Variants in ADGRV1 observed in about 807,000 individuals in gnomAD.
ADGRV1 encodes the protein G-protein coupled receptor 98.
ADGRV1 carries 359 observed loss-of-function variants against 596.2 expected under a neutral mutation model. That is an observed-to-expected ratio of 0.60 (90% CI 0.55 to 0.66). ADGRV1 has a LOEUF of 0.66. Ranked by LOEUF, ADGRV1 falls within the 30% of genes least tolerant of loss-of-function variation. The pLI is 0.00. For synonymous variants in ADGRV1, 2,681 were observed against 2,679.2 expected (o/e 1.00, Z -0.02); for missense variants, 7,274 against 7,575.6 (o/e 0.96, Z 1.48).
chr5:90,763,444 T>G lies in ADGRV1; in HGVS notation c.12260T>G (p.Leu4087Trp). Residue 4087 changes from leucine (L) to tryptophan (W), a missense_variant, in exon 59 of 90, where the codon TTG (leucine) becomes TGG (tryptophan). Around this residue, in one of 5 missense-constraint regions of ADGRV1, gnomAD observed 3,643 missense variants for 3,809.2 expected, o/e 0.96. Coordinates refer to ENST00000405460, the MANE Select transcript of ADGRV1 (RefSeq NM_032119.4). ...AAGGCTAAACATAACCTTAGTCCTT[T>G]GAATGGGACCCTTCATTTTGATGAG... ...DEKAKHNLSP[L>W]NGTLHFDETE... 1.2e-6 allele frequency: 2 copies of G among 1,613,070 alleles called. No individual in the cohort carries two copies. Among genetic ancestry groups the G allele is most frequent in the Non-Finnish European group, 1.7e-6 (2 of 1,179,158 alleles).
chr5:90,653,702 C>T lies in ADGRV1; in HGVS notation c.4128C>T (p.Asp1376=), dbSNP rs373730163. Residue 1376 remains aspartate (D), a synonymous_variant, in exon 20 of 90, where the codon GAC becomes GAT. Transcript: ENST00000405460. ...ATGGATTCATTATAGCGAAGGATGA[C>T]GGTAATGGAAGCATCTACTACGGGG... The part of the protein sequence containing the change: ...NTNGFIIAKD[D]GNGSIYYGVK... 6.1e-4 allele frequency: 984 copies of T among 1,612,962 alleles called. No homozygotes were observed. Among genetic ancestry groups the T allele is most frequent in the Non-Finnish European group, 7.9e-4 (932 of 1,179,540 alleles).
At chr5:90,653,065 G>A (rs1768876471) in intron 19 of ADGRV1, 144 bp from the exon 20 acceptor site, 3 of 719,460 alleles carry the variant, frequency 4.2e-6, no homozygotes, top group Non-Finnish European at 6.8e-6. Flanking sequence ...TGTGGTGAAA[G>A]CCACATGGTG....
chr5:91,035,164 CCA>C lies in ADGRV1; in HGVS notation c.18153-37281_18153-37280del, dbSNP rs750746583. ...TATACTTCTTCCACCATCCAGCCTG[CCA>C]CCATATGTTGTATGCCATCAACCCT... On this transcript the variant is annotated intron_variant, in intron 85 of 89. Transcript: ENST00000405460. Among the ~76,000 whole-genome samples the C allele has an allele frequency of 3.9e-5, 6 of 152,298 alleles. No homozygotes were observed. In the South Asian group the frequency reaches 1.2e-3, roughly 32 times the overall value.
At chr5:90,802,411 A>G (rs1371895343) in intron 70 of ADGRV1, among the ~76,000 whole-genome samples, 2 of 152,020 alleles carry the variant, frequency 1.3e-5, no homozygotes, top group African/African-American at 4.8e-5. Flanking sequence ...ATTTTTTATT[A>G]GTAGAGACAG....
intron 83 of ADGRV1, among the ~76,000 whole-genome samples, chr5:90,935,499 T>G (rs536699956): frequency 2.8e-4 from 42 of 152,332 alleles, no homozygotes; most frequent in African/African-American, 9.9e-4. Flanking sequence ...GATCATGTTT[T>G]GCTTTCTAAT....
chr5:91,051,816 A>G (rs1297924475), intron 85 of ADGRV1, among the ~76,000 whole-genome samples: 1 of 152,106 alleles, frequency 6.6e-6, no homozygotes, highest in East Asian at 1.9e-4. Flanking sequence ...CATCCCAATG[A>G]GCATCTATAT....
intron 83 of ADGRV1, among the ~76,000 whole-genome samples, chr5:90,901,731 A>G (rs1771863839): frequency 6.6e-6 from 1 of 152,188 alleles, no homozygotes. Context: ...GGTGAAATAT[A>G]GAACTCAACA....
chr5:90,662,187 C>CTTTTTTTTTTTTTT lies in ADGRV1; in HGVS notation c.4752+3916_4752+3929dup, dbSNP rs5869513. Among the ~76,000 whole-genome samples the CTTTTTTTTTTTTTT allele has an allele frequency of 1.5e-5, 2 of 130,868 alleles. 1 individual carries two copies. Among genetic ancestry groups the CTTTTTTTTTTTTTT allele is most frequent in the Non-Finnish European group, 3.2e-5 (2 of 62,846 alleles). The allele number at this position is 130,868 out of a possible 152,430, so 85.9% of individuals were successfully genotyped here. A position where few individuals can be genotyped will look rare whatever the true frequency, so the allele number is the denominator to read the frequency against. On this transcript the variant is annotated intron_variant, in intron 21 of 89. Transcript: ENST00000405460. Reference sequence around the variant, plus strand: ...TGTTTAATCATTTTTGGTTAAACAACTTTTTTTTTTTTTTTTTTTTGAGAC... The same window carrying CTTTTTTTTTTTTTT: ...TGTTTAATCATTTTTGGTTAAACAACTTTTTTTTTTTTTTTTTTTTTTTTTTTTTTTTTTGAGAC...
At chr5:90,793,845 A>G (rs1259175040) in intron 70 of ADGRV1, among the ~76,000 whole-genome samples, 2 of 152,180 alleles carry the variant, frequency 1.3e-5, no homozygotes, top group Non-Finnish European at 2.9e-5. Flanking sequence ...TCACTTTAAT[A>G]TCTCTTTTTA....
intron 54 of ADGRV1, among the ~76,000 whole-genome samples, chr5:90,754,459 T>C (rs1755611155): frequency 6.6e-6 from 1 of 152,190 alleles, no homozygotes; most frequent in Non-Finnish European, 1.5e-5. Context: ...GGGTCTTTAA[T>C]ATGGCAAATT....
At chr5:90,832,058 T>G (rs1177420761) in intron 77 of ADGRV1, among the ~76,000 whole-genome samples, 2 of 152,178 alleles carry the variant, frequency 1.3e-5, no homozygotes, top group African/African-American at 4.8e-5. Context: ...GGTATCTCTT[T>G]GATACACTTT....
At chr5:90,560,142 A>G (rs75224084) in intron 1 of ADGRV1, among the ~76,000 whole-genome samples, 2,909 of 152,272 alleles carry the variant, frequency 0.019, 34 homozygotes, top group Non-Finnish European at 0.03. Flanking sequence ...TCGGACATTC[A>G]CCCATCCTTC....
At chr5:90,928,705 G>A (rs576453170) in intron 83 of ADGRV1, among the ~76,000 whole-genome samples, 1,577 of 150,552 alleles carry the variant, frequency 0.01, 11 homozygotes, top group Admixed American at 0.018. Flanking sequence ...GAGGAGAGGC[G>A]CTCTGCTTTT....
chr5:90,668,750 C>T (rs955421642), intron 21 of ADGRV1, among the ~76,000 whole-genome samples: 32 of 151,964 alleles, frequency 2.1e-4, no homozygotes, highest in Non-Finnish European at 1.0e-4. Context: ...TGATATATAG[C>T]GTGTAACTGT....
In ADGRV1 at chr5:90,713,155, T is replaced by A. The variant is rs114235045; in HGVS notation, c.9184+727T>A. 2.3e-3 allele frequency among the ~76,000 whole-genome samples: 348 copies of A among 152,242 alleles called. 5 individuals are homozygous for A. The highest frequency in any genetic ancestry group is 8.2e-3 in the African/African-American group (340 of 41,538). ...TCAAACTCCTGTTTTAGTCAGTGGCTGAGCTGGTTTTTTTTAAAAAAAATT... is the reference window on the plus strand; with the variant it reads ...TCAAACTCCTGTTTTAGTCAGTGGCAGAGCTGGTTTTTTTTAAAAAAAATT... On this transcript the variant is annotated intron_variant, in intron 42 of 89. Coordinates refer to ENST00000405460, the MANE Select transcript of ADGRV1 (RefSeq NM_032119.4).
At chr5:91,161,585 C>G (rs1796957038) in intron 89 of ADGRV1, among the ~76,000 whole-genome samples, 1 of 147,476 alleles carries the variant, frequency 6.8e-6, no homozygotes, top group South Asian at 2.1e-4. Context: ...TAAATTTTAG[C>G]AACTTAGTAA....
At chr5:91,153,472 A>G in intron 89 of ADGRV1, 74 bp downstream of exon 89, 1 of 1,100,480 alleles carries the variant, frequency 9.1e-7, no homozygotes, top group Non-Finnish European at 1.3e-6. Flanking sequence ...TCTTTCCATG[A>G]AGTTGCAAAG....
intron 85 of ADGRV1, among the ~76,000 whole-genome samples, chr5:91,033,734 G>A (rs1037037734): frequency 2.0e-5 from 3 of 152,166 alleles, no homozygotes; most frequent in Admixed American, 6.5e-5. Flanking sequence ...TTTGGCACAT[G>A]AGGATTTATG....
At chr5:90,643,475 T>C (rs2149431940) in intron 13 of ADGRV1, among the ~76,000 whole-genome samples, 1 of 152,340 alleles carries the variant, frequency 6.6e-6, no homozygotes, top group South Asian at 2.1e-4. Flanking sequence ...TACTCACCAA[T>C]ACATATGTAA....
Sources: allele counts gnomAD v4.1 joint callset (sites outside exome capture counted in the v4.1 genomes callset), GRCh38; gene constraint gnomAD v4.1.1; regional missense constraint gnomAD v4.1.1; transcripts MANE v1.5; gene names NCBI Gene and HGNC (gene_info 2026-07-23, HGNC 2026-07-21).